Variants in GRM5 observed in about 807,000 individuals in gnomAD.
GRM5 encodes the protein glutamate metabotropic receptor 5.
A neutral mutation model predicts 83.1 loss-of-function variants in GRM5; 19 were observed. The ratio of observed to expected loss-of-function variants is 0.23; its 90% CI spans 0.16 to 0.34. GRM5 has a LOEUF of 0.34. Among genes scored for constraint, GRM5 ranks in the 10% least tolerant of loss-of-function variants. The probability of loss-of-function intolerance (pLI) is 1.00; values close to 1 mark genes in which losing one functional copy is unlikely to be tolerated. For missense variants in GRM5, 1,160 were observed against 1,588.3 expected, an observed-to-expected ratio of 0.73 and a Z score of 4.58; for synonymous variants, 675 against 633.6, an observed-to-expected ratio of 1.07 and a Z score of -0.98.
intron 2 of GRM5, among the ~76,000 whole-genome samples, chr11:88,965,127 A>T (rs1938911403): frequency 6.6e-6 from 1 of 152,214 alleles, no homozygotes; most frequent in Non-Finnish European, 1.5e-5. Flanking sequence ...ATATAGTTAT[A>T]TTCTATCTAC....
intron 2 of GRM5, among the ~76,000 whole-genome samples, chr11:89,019,907 G>A (rs150846180): frequency 1.3e-5 from 2 of 152,116 alleles, no homozygotes; most frequent in Admixed American, 1.3e-4. Context: ...GGCTCTGGAG[G>A]CCCCTCTTAT....
intron 3 of GRM5, among the ~76,000 whole-genome samples, chr11:88,845,630 T>C (rs1303302135): frequency 1.3e-5 from 2 of 152,004 alleles, no homozygotes; most frequent in East Asian, 1.9e-4. Flanking sequence ...AGACGGGGTT[T>C]CACCGTGTTA....
At chr11:88,769,683 A>G (rs1357299142) in intron 3 of GRM5, among the ~76,000 whole-genome samples, 1 of 152,094 alleles carries the variant, frequency 6.6e-6, no homozygotes, top group African/African-American at 2.4e-5. Context: ...AAAGATTGAC[A>G]ATTTGAGCAG....
chr11:88,830,620 C>A (rs1943972597), intron 3 of GRM5, among the ~76,000 whole-genome samples: 1 of 151,604 alleles, frequency 6.6e-6, no homozygotes, highest in Non-Finnish European at 1.5e-5. Context: ...ATATCCCCAC[C>A]ACGGATTCCT....
chr11:88,844,308 CTT>C (rs1944258924), intron 3 of GRM5, among the ~76,000 whole-genome samples: 1 of 151,962 alleles, frequency 6.6e-6, no homozygotes, highest in Non-Finnish European at 1.5e-5. Context: ...CAACACATCT[CTT>C]TAAAGCATGG....
chr11:88,984,856 A>T (rs545497500), intron 2 of GRM5: 1 of 715,202 alleles, frequency 1.4e-6, no homozygotes, highest in East Asian at 2.5e-5. Context: ...TAATTTCTTC[A>T]AATCTCAAGA....
intron 2 of GRM5, among the ~76,000 whole-genome samples, chr11:88,932,931 T>C (rs1460418620): frequency 6.6e-6 from 1 of 151,946 alleles, no homozygotes; most frequent in East Asian, 1.9e-4. Flanking sequence ...TGAAATTAGT[T>C]ATCTTCTCTC....
intron 2 of GRM5, among the ~76,000 whole-genome samples, chr11:89,040,502 C>A (rs533114471): frequency 6.6e-6 from 1 of 152,090 alleles, no homozygotes; most frequent in South Asian, 2.1e-4. Flanking sequence ...TGAGACCAGC[C>A]TGAGAAACAC....
rs181152171 is a variant in GRM5, at chr11:89,031,630, C to A, written c.661+15582G>T. Reference sequence around the variant, plus strand: ...AAAACATCCAATATTATGTATATAGCTGCTTTTTTAAATTGTGCATAAGAT... The same window carrying A: ...AAAACATCCAATATTATGTATATAGATGCTTTTTTAAATTGTGCATAAGAT... On this transcript the variant is annotated intron_variant, in intron 2 of 9. Transcript: ENST00000305447. Among the ~76,000 whole-genome samples the A allele has an allele frequency of 4.3e-3, 649 of 151,944 alleles. 1 individual carries two copies. Among genetic ancestry groups the A allele is most frequent in the African/African-American group, 0.014 (598 of 41,522 alleles).
chr11:88,721,896 C>T (rs1264451601), intron 3 of GRM5, among the ~76,000 whole-genome samples: 1 of 152,104 alleles, frequency 6.6e-6, no homozygotes, highest in Non-Finnish European at 1.5e-5. Flanking sequence ...AAAGACTGTT[C>T]ACTTTTATGA....
chr11:88,998,054 A>C (rs926058574), intron 2 of GRM5, among the ~76,000 whole-genome samples: 2 of 151,556 alleles, frequency 1.3e-5, no homozygotes, highest in African/African-American at 4.8e-5. Context: ...GAAAAATATG[A>C]GAGGCGGAGA....
chr11:88,671,862 G>A (rs1940201910), intron 3 of GRM5, among the ~76,000 whole-genome samples: 1 of 151,954 alleles, frequency 6.6e-6, no homozygotes, highest in Non-Finnish European at 1.5e-5. Context: ...TGTTTAAATG[G>A]GCTTGTTAAT....
rs575968698 is a variant in GRM5, at chr11:89,010,729, C to T, written c.661+36483G>A. On this transcript the variant is annotated intron_variant, in intron 2 of 9. Coordinates refer to ENST00000305447, the MANE Select transcript of GRM5 (RefSeq NM_001143831.3). The stretch of plus-strand genomic sequence containing the variant: ...GTGGAAACACAGAGAGCCAAAGTGA[C>T]TGTGGAGAACCATACAACTGGATAA... Among the ~76,000 whole-genome samples the T allele has an allele frequency of 4.6e-5, 7 of 151,176 alleles. No individual in the cohort carries two copies. In the East Asian group the frequency reaches 1.2e-3, roughly 25 times the overall value.
In GRM5 at chr11:88,890,535, T is replaced by C. The variant is rs187181247; in HGVS notation, c.662-40380A>G. On this transcript the variant is annotated intron_variant, in intron 2 of 9. Transcript: ENST00000305447. ...TAAAAAATAGTGCTTAAATCAAATA[T>C]GTTTTAGTTCATGTGACTTTAATTT... Among the ~76,000 whole-genome samples the C allele has an allele frequency of 6.0e-3, 919 of 152,314 alleles. 4 individuals carry two copies. Among genetic ancestry groups the C allele is most frequent in the Middle Eastern group, 0.02 (6 of 294 alleles).
rs1941243809 is a variant in GRM5, at chr11:88,508,547, G to A, written c.*45C>T. On this transcript the variant is annotated 3_prime_UTR_variant, in exon 10 of 10. Transcript: ENST00000305447. The surrounding 1 kb of genome is among the most constrained non-coding windows in gnomAD (Gnocchi z 4.2). ...GCCATTGTGTGTGTGTGAACACGGG[G>A]GGCTCCGCTCCGCACGCGCAGGCCG... 6.6e-7 allele frequency: 1 copy of A among 1,509,520 alleles called. No homozygotes were observed. The highest frequency in any genetic ancestry group is 2.4e-5 in the East Asian group (1 of 41,854). The allele number at this position is 1,509,520 out of a possible 1,614,324, so 93.5% of individuals were successfully genotyped here. A position where few individuals can be genotyped will look rare whatever the true frequency, so the allele number is the denominator to read the frequency against.
At chr11:88,989,371 G>C (rs1248590873) in intron 2 of GRM5, among the ~76,000 whole-genome samples, 1 of 134,900 alleles carries the variant, frequency 7.4e-6, no homozygotes, top group Non-Finnish European at 1.6e-5. Context: ...CAAGTCCTGA[G>C]TGACCTACAA....
At chr11:88,848,473 T>C (rs1944334902) in intron 3 of GRM5, among the ~76,000 whole-genome samples, 1 of 152,178 alleles carries the variant, frequency 6.6e-6, no homozygotes, top group Non-Finnish European at 1.5e-5. Context: ...CAAAAGTTAA[T>C]AACAAGTGAC....
rs1417130336 is a variant in GRM5, at chr11:88,512,413, C to T, written c.2727-2909G>A. On this transcript the variant is annotated intron_variant, in intron 9 of 9. Transcript: ENST00000305447. ...TTTTTCCCTGAAGTAAATGAGAACT[C>T]TTAAGAAAAAAAACAAAAGAAACTC... The T allele has an allele frequency of 8.4e-5, 13 of 153,986 alleles. No homozygotes were observed. The South Asian group carries it at 1.8e-3, about 22-fold the overall frequency. 9.5% of individuals were successfully genotyped at this position (153,986 alleles called of 1,614,324 possible).
At chr11:89,044,281 T>G (rs1367300869) in intron 2 of GRM5, among the ~76,000 whole-genome samples, 1 of 152,210 alleles carries the variant, frequency 6.6e-6, no homozygotes, top group Non-Finnish European at 1.5e-5. Flanking sequence ...ATGCTTTCTT[T>G]TTTCTTCTTC....
Sources: gnomAD v4.1 joint callset for allele counts (sites outside exome capture counted in the v4.1 genomes callset) on GRCh38, gnomAD v4.1.1 for gene constraint, Gnocchi (gnomAD v3.1) non-coding constraint, MANE v1.5 for transcripts, NCBI Gene and HGNC (gene_info 2026-07-23, HGNC 2026-07-21) for gene names.